Variants in ARHGEF11 observed in about 807,000 individuals in gnomAD.
The protein encoded by ARHGEF11 is Rho guanine nucleotide exchange factor 11, also known as Rho guanine exchange factor (GEF) 11.
A neutral mutation model predicts 193.7 loss-of-function variants in ARHGEF11; 55 were observed. That is an observed-to-expected ratio of 0.28 (90% CI 0.23 to 0.36). The LOEUF (loss-of-function observed/expected upper bound fraction) is 0.36. Ranked by LOEUF, ARHGEF11 falls within the 10% of genes least tolerant of loss-of-function variation. ARHGEF11 has a pLI of 1.00. For synonymous variants in ARHGEF11, 693 were observed against 768.0 expected, an observed-to-expected ratio of 0.90 and a Z score of 1.62; for missense variants, 1,723 against 2,005.6, an observed-to-expected ratio of 0.86 and a Z score of 2.69.
At chr1:157,009,619 T>G (rs1454264903) in intron 1 of ARHGEF11, among the ~76,000 whole-genome samples, 1 of 152,224 alleles carries the variant, frequency 6.6e-6, no homozygotes, top group African/African-American at 2.4e-5. Context: ...GGATGCATAC[T>G]TATCTTTTAT....
intron 7 of ARHGEF11, among the ~76,000 whole-genome samples, 180 bp from the exon 8 acceptor site, chr1:156,971,996 T>C (rs572078248): frequency 6.6e-6 from 1 of 152,192 alleles, no homozygotes; most frequent in East Asian, 1.9e-4. Context: ...CAGAAAAAGA[T>C]GTAAGTGATG....
chr1:156,953,710 A>G (rs532454714), intron 21 of ARHGEF11, among the ~76,000 whole-genome samples: 1 of 152,296 alleles, frequency 6.6e-6, no homozygotes, highest in East Asian at 1.9e-4. Context: ...TTATTGTAGA[A>G]CCTAGAAAGT....
At chr1:156,954,596 A>AGT (rs1443583464) in intron 21 of ARHGEF11, among the ~76,000 whole-genome samples, 1 of 152,172 alleles carries the variant, frequency 6.6e-6, no homozygotes, top group Non-Finnish European at 1.5e-5. Flanking sequence ...GGCCAGAACT[A>AGT]CCAGAAGGAG....
chr1:156,972,594 G>A (rs1662651997), intron 7 of ARHGEF11, among the ~76,000 whole-genome samples: 1 of 152,128 alleles, frequency 6.6e-6, no homozygotes, highest in Non-Finnish European at 1.5e-5. Flanking sequence ...TAAAGACATT[G>A]GGTTCACATA....
intron 1 of ARHGEF11, among the ~76,000 whole-genome samples, chr1:156,996,016 A>T (rs151311592): frequency 1.2e-3 from 182 of 152,306 alleles, no homozygotes; most frequent in African/African-American, 4.1e-3. Flanking sequence ...AAATAAGCCT[A>T]TACTTATCAC....
chr1:156,943,319 C>A (rs563897233), intron 32 of ARHGEF11, among the ~76,000 whole-genome samples: 1 of 152,302 alleles, frequency 6.6e-6, no homozygotes, highest in South Asian at 2.1e-4. Context: ...CCTCGGCCTC[C>A]CAAAGGGCTG....
At position 156,941,940 on chromosome 1, in the gene ARHGEF11, C is replaced by T. The variant is rs529921313; in HGVS notation, c.3376G>A (p.Gly1126Arg). ...GGATGGACGGGCATTGGGGCAGCTCCGGGGTGCCTGGTGGCATTCCGCACG... is the reference window on the plus strand; with the variant it reads ...GGATGGACGGGCATTGGGGCAGCTCTGGGGTGCCTGGTGGCATTCCGCACG... ...EAVRNATRHPGAAPMPVHPPP... is the reference protein window; with the variant it reads ...EAVRNATRHPRAAPMPVHPPP... Residue 1126 changes from glycine (G) to arginine (R), a missense_variant, in exon 34 of 41, where the codon GGA (glycine) becomes AGA (arginine). Physicochemically the swap from Gly to Arg is moderately radical, Grantham distance 125. Coordinates refer to ENST00000368194, the MANE Select transcript of ARHGEF11 (RefSeq NM_198236.3). The T allele has an allele frequency of 2.8e-5, 46 of 1,614,060 alleles. No homozygotes were observed. In the South Asian group the frequency reaches 4.3e-4, roughly 15 times the overall value.
Position 156,946,800 on chromosome 1 carries a change from A to G in ARHGEF11, c.2569-13T>C. On this transcript the variant is annotated splice_polypyrimidine_tract_variant and intron_variant, in intron 27 of 40. Transcript: ENST00000368194. ...CAGGGCCATCAAACTGAAGAGGCAG[A>G]ATGGACACGGGGCCAGGCATCAAAC... is the stretch of plus-strand genomic sequence containing the variant. 2 of 1,614,162 alleles carry G rather than the reference A, an allele frequency of 1.2e-6. No individual in the cohort carries two copies. Among genetic ancestry groups the G allele is most frequent in the Non-Finnish European group, 1.7e-6 (2 of 1,180,028 alleles).
At position 156,986,108 on chromosome 1, in the gene ARHGEF11, T is replaced by C. The variant is rs560363112; in HGVS notation, c.98A>G (p.Gln33Arg). Residue 33 changes from glutamine to arginine, a missense_variant, in exon 2 of 41, where the codon CAG (glutamine) becomes CGG (arginine). Gln to Arg is a conservative substitution (Grantham distance 43, BLOSUM62 1). Transcript: ENST00000368194. ...TGTTGTCTCAGAGGCATCCGAAGGC[T>C]GGCGATGGTGGGAAGGGGACTTGCG... Reference protein sequence around the residue: ...PERKSPSHHRQPSDASETTGL... With the variant: ...PERKSPSHHRRPSDASETTGL... 1 of 1,614,012 alleles carries C rather than the reference T, an allele frequency of 6.2e-7. No homozygotes were observed. Among genetic ancestry groups the C allele is most frequent in the East Asian group, 2.2e-5 (1 of 44,878 alleles).
At chr1:157,041,341 T>G (rs1672724241) in intron 1 of ARHGEF11, among the ~76,000 whole-genome samples, 1 of 152,186 alleles carries the variant, frequency 6.6e-6, no homozygotes, top group African/African-American at 2.4e-5. Context: ...ACAGCTACAC[T>G]TTAGCCCATC....
intron 7 of ARHGEF11, among the ~76,000 whole-genome samples, chr1:156,973,152 C>T (rs1343138363): frequency 6.6e-6 from 1 of 152,080 alleles, no homozygotes; most frequent in Non-Finnish European, 1.5e-5. Context: ...GGGTCTTGAA[C>T]TCTTGGCCTC....
intron 1 of ARHGEF11, among the ~76,000 whole-genome samples, chr1:157,023,421 A>G (rs1342604299): frequency 1.3e-5 from 2 of 152,226 alleles, no homozygotes; most frequent in Non-Finnish European, 2.9e-5. Context: ...AGGAAATGCA[A>G]ATCAAAACCA....
intron 1 of ARHGEF11, among the ~76,000 whole-genome samples, chr1:157,020,541 A>C (rs1338443280): frequency 1.3e-5 from 2 of 152,246 alleles, no homozygotes; most frequent in African/African-American, 4.8e-5. Context: ...ATATGTACAT[A>C]CAGTCTTGCA....
At chr1:157,046,268 CGCTTTTCCTCGGCT>C (rs1490811637), upstream of ARHGEF11, among the ~76,000 whole-genome samples, 4 of 151,430 alleles carry the variant, frequency 2.6e-5, no homozygotes, top group African/African-American at 9.7e-5. Flanking sequence ...GCCTTTTCGC[CGCTTTTCCTCGGCT>C]GCTTTTCCCC....
intron 29 of ARHGEF11, 199 bp from the exon 30 acceptor site, chr1:156,945,396 C>T: frequency 1.7e-6 from 1 of 586,530 alleles, no homozygotes; most frequent in South Asian, 2.1e-5. Flanking sequence ...AGGTCTCAGA[C>T]AGATCACTGC....
chr1:157,012,771 T>C (rs141808297), intron 1 of ARHGEF11, among the ~76,000 whole-genome samples: 71 of 152,344 alleles, frequency 4.7e-4, no homozygotes, highest in African/African-American at 1.4e-3. Context: ...CTGTTGAGTA[T>C]TGAAAAACAT....
Position 157,044,571 on chromosome 1 carries a change from G to GA in ARHGEF11, c.-242dup. The GA allele has an allele frequency of 2.5e-6, 1 of 405,846 alleles. No homozygotes were observed. Among genetic ancestry groups the GA allele is most frequent in the Non-Finnish European group, 4.3e-6 (1 of 232,804 alleles). 25.1% of individuals were successfully genotyped at this position (405,846 alleles called of 1,614,324 possible). A position where few individuals can be genotyped will look rare whatever the true frequency, so the allele number is the denominator to read the frequency against. On this transcript the variant is annotated 5_prime_UTR_variant, in exon 1 of 41. Coordinates refer to ENST00000368194, the MANE Select transcript of ARHGEF11 (RefSeq NM_198236.3). ...CGCTTTAAAAAAAAAGAAAAGAAAA[G>GA]AAAAAAGAAAAAAAAAGGAAAAGAG...
intron 15 of ARHGEF11, among the ~76,000 whole-genome samples, chr1:156,959,889 CAGTATT>C (rs1193302205): frequency 1.3e-5 from 2 of 148,266 alleles, no homozygotes; most frequent in Admixed American, 6.7e-5. Flanking sequence ...TCGCTGCTGT[CAGTATT>C]AGTTAGGGAA....
Position 157,044,831 on chromosome 1 carries a change from T to C in ARHGEF11, c.-501A>G, listed in dbSNP as rs922149773. The C allele has an allele frequency of 7.1e-6, 2 of 281,174 alleles. No individual in the cohort carries two copies. Among genetic ancestry groups the C allele is most frequent in the Non-Finnish European group, 6.5e-6 (1 of 153,906 alleles). The allele number at this position is 281,174 out of a possible 1,614,324, so 17.4% of individuals were successfully genotyped here. ...ATTTTCTAGTCTCCAATGCTTAATA[T>C]GACAACAGCAAATATCTTTGAGGAA... is the stretch of plus-strand genomic sequence containing the variant. On this transcript the variant is annotated 5_prime_UTR_variant, in exon 1 of 41. Transcript: ENST00000368194.
Sources: allele counts gnomAD v4.1 joint callset (sites outside exome capture counted in the v4.1 genomes callset), GRCh38; gene constraint gnomAD v4.1.1; transcripts MANE v1.5; gene names NCBI Gene and HGNC (gene_info 2026-07-23, HGNC 2026-07-21).